CTNNA2: variants seen among roughly 807,000 people sequenced by gnomAD.
The protein encoded by CTNNA2 is catenin alpha-2.
CTNNA2 carries 42 observed loss-of-function variants against 101.0 expected under a neutral mutation model. The observed-to-expected ratio is 0.42, with a 90% CI of 0.32 to 0.54. CTNNA2 has a LOEUF of 0.54. Ranked by LOEUF, CTNNA2 falls within the 20% of genes least tolerant of loss-of-function variation. The pLI is 0.14. For missense variants in CTNNA2, 871 were observed against 1,223.1 expected, an observed-to-expected ratio of 0.71 and a Z score of 4.29; for synonymous variants, 450 against 456.4, an observed-to-expected ratio of 0.99 and a Z score of 0.18.
At chr2:79,939,467 GT>G (rs926520650) in intron 7 of CTNNA2, among the ~76,000 whole-genome samples, 24 of 151,980 alleles carry the variant, frequency 1.6e-4, no homozygotes, top group Middle Eastern at 3.4e-3. Flanking sequence ...CTTAAAATGA[GT>G]TTTTTTTCCT....
chr2:79,353,932 C>T (rs1677448930), intron 3 of CTNNA2, among the ~76,000 whole-genome samples: 1 of 151,922 alleles, frequency 6.6e-6, no homozygotes, highest in Non-Finnish European at 1.5e-5. Flanking sequence ...ACTTATTATG[C>T]TTAGTTTTGC....
At position 79,905,017 on chromosome 2, in the gene CTNNA2, C is replaced by T. The variant is rs574215570; in HGVS notation, c.853-4577C>T. ...CAAATGGGAGATCAATTATGTGAGACTAGAGAGACTGTTATAGCACCGACT... is the reference window on the plus strand; with the variant it reads ...CAAATGGGAGATCAATTATGTGAGATTAGAGAGACTGTTATAGCACCGACT... On this transcript the variant is annotated intron_variant, in intron 6 of 18. Transcript: ENST00000402739. Among the ~76,000 whole-genome samples the T allele has an allele frequency of 1.8e-4, 28 of 152,250 alleles. No homozygotes were observed. In the South Asian group the frequency reaches 5.4e-3, roughly 29 times the overall value.
chr2:79,873,967 G>C, intron 5 of CTNNA2, 109 bp from the exon 6 acceptor site: 1 of 1,477,988 alleles, frequency 6.8e-7, no homozygotes, highest in Non-Finnish European at 9.0e-7. Flanking sequence ...ACAGCACAAG[G>C]GTTTCTGAAG....
At chr2:79,287,856 A>C (rs936664519) in intron 2 of CTNNA2, among the ~76,000 whole-genome samples, 7 of 152,056 alleles carry the variant, frequency 4.6e-5, no homozygotes, top group Non-Finnish European at 1.0e-4. Context: ...CCTCGCTGCC[A>C]CCTTGCAGTT....
intron 6 of CTNNA2, among the ~76,000 whole-genome samples, chr2:79,893,020 C>T (rs773566656): frequency 6.6e-6 from 1 of 152,132 alleles, no homozygotes; most frequent in African/African-American, 2.4e-5. Flanking sequence ...TTATTATGGT[C>T]ACAGACATGT....
At chr2:79,287,058 G>C (rs2104361196) in intron 2 of CTNNA2, among the ~76,000 whole-genome samples, 1 of 152,084 alleles carries the variant, frequency 6.6e-6, no homozygotes, top group East Asian at 1.9e-4. Flanking sequence ...CAGCTCCTGA[G>C]ACTTCTGCAT....
intron 7 of CTNNA2, among the ~76,000 whole-genome samples, chr2:79,990,887 G>T (rs752805547): frequency 3.9e-5 from 6 of 152,164 alleles, no homozygotes; most frequent in Non-Finnish European, 7.3e-5. Flanking sequence ...GGTAGAGTTT[G>T]GCTGTGAGTC....
chr2:80,605,266 T>G (rs188809977), intron 16 of CTNNA2: 2 of 152,134 alleles, frequency 1.3e-5, no homozygotes, highest in African/African-American at 4.8e-5. Context: ...CTTTTAAGAG[T>G]GCTTTAGGTA....
In CTNNA2 at chr2:80,159,113, T is replaced by C. The variant is rs150786004; in HGVS notation, c.1057-234098T>C. Among the ~76,000 whole-genome samples the C allele has an allele frequency of 1.4e-3, 211 of 152,320 alleles. 1 individual carries two copies. The highest frequency in any genetic ancestry group is 4.9e-3 in the African/African-American group (202 of 41,578). Reference sequence around the variant, plus strand: ...CACGAAAAATATGTGTATCTAGTTTTTGTGTGAACACAAGACTTCATTTCT... The same window carrying C: ...CACGAAAAATATGTGTATCTAGTTTCTGTGTGAACACAAGACTTCATTTCT... On this transcript the variant is annotated intron_variant, in intron 7 of 18. Coordinates refer to ENST00000402739, the MANE Select transcript of CTNNA2 (RefSeq NM_001282597.3).
At chr2:79,811,793 G>T (rs2105341285) in intron 3 of CTNNA2, among the ~76,000 whole-genome samples, 1 of 152,196 alleles carries the variant, frequency 6.6e-6, no homozygotes, top group Middle Eastern at 3.4e-3. Context: ...TGGGATTATA[G>T]TCAATCTATG....
At chr2:80,413,484 G>T (rs147615975) in intron 8 of CTNNA2, among the ~76,000 whole-genome samples, 1 of 152,062 alleles carries the variant, frequency 6.6e-6, no homozygotes, top group East Asian at 1.9e-4. Flanking sequence ...CTCTCCTCCC[G>T]CTACCTGCTC....
chr2:80,168,203 C>G (rs945791102), intron 7 of CTNNA2, among the ~76,000 whole-genome samples: 4 of 152,152 alleles, frequency 2.6e-5, no homozygotes, highest in Middle Eastern at 3.4e-3. Flanking sequence ...CTTTCTTTCC[C>G]CCTCCAGCCT....
chr2:80,429,857 A>G (rs1012199026), intron 9 of CTNNA2, among the ~76,000 whole-genome samples: 1 of 152,192 alleles, frequency 6.6e-6, no homozygotes, highest in African/African-American at 2.4e-5. Context: ...CTTGCTTGCA[A>G]GTTGGTGGAG....
intron 7 of CTNNA2, among the ~76,000 whole-genome samples, chr2:80,117,455 A>AGCGTGTGT (rs143379167): frequency 6.9e-6 from 1 of 145,882 alleles, no homozygotes; most frequent in Non-Finnish European, 1.5e-5. Flanking sequence ...TTCCTGTGTG[A>AGCGTGTGT]GTGTGTGTGT....
intron 7 of CTNNA2, among the ~76,000 whole-genome samples, chr2:80,033,026 C>T (rs1695397733): frequency 2.0e-5 from 3 of 151,810 alleles, no homozygotes; most frequent in South Asian, 2.1e-4. Flanking sequence ...TGGTGGGCGC[C>T]TGTAGTCCCA....
intron 7 of CTNNA2, among the ~76,000 whole-genome samples, chr2:80,297,796 A>T (rs1573628579): frequency 6.6e-6 from 1 of 152,134 alleles, no homozygotes; most frequent in Non-Finnish European, 1.5e-5. Context: ...CAAAGCGTCT[A>T]CCTACTCATT....
At chr2:79,655,635 C>T (rs1681557091) in intron 2 of CTNNA2, among the ~76,000 whole-genome samples, 2 of 152,028 alleles carry the variant, frequency 1.3e-5, no homozygotes, top group African/African-American at 4.8e-5. Flanking sequence ...TCGAGATTAG[C>T]CTGGCGAACA....
intron 7 of CTNNA2, among the ~76,000 whole-genome samples, chr2:80,210,380 C>G (rs963281350): frequency 6.6e-6 from 1 of 151,874 alleles, no homozygotes; most frequent in South Asian, 2.1e-4. Flanking sequence ...TACCCCATGA[C>G]AGGCCCCAGT....
intron 3 of CTNNA2, among the ~76,000 whole-genome samples, chr2:79,803,266 C>T (rs569792457): frequency 1.3e-4 from 20 of 152,218 alleles, no homozygotes; most frequent in East Asian, 5.8e-4. Flanking sequence ...CCTAACCCAG[C>T]GGCGCTAGAG....
Sources: gnomAD v4.1 joint callset for allele counts (sites outside exome capture counted in the v4.1 genomes callset) on GRCh38, gnomAD v4.1.1 for gene constraint, MANE v1.5 for transcripts, NCBI Gene and HGNC (gene_info 2026-07-23, HGNC 2026-07-21) for gene names.